TLK1: variants seen among roughly 807,000 people sequenced by gnomAD.
The protein encoded by TLK1 is serine/threonine-protein kinase tousled-like 1.
TLK1 carries 24 observed loss-of-function variants against 105.3 expected under a neutral mutation model. The observed-to-expected ratio is 0.23, with a 90% CI of 0.17 to 0.32. TLK1 has a LOEUF of 0.32. Ranked by LOEUF, TLK1 falls within the 10% of genes least tolerant of loss-of-function variation. The probability of loss-of-function intolerance (pLI) is 1.00; values close to 1 mark genes in which losing one functional copy is unlikely to be tolerated. For synonymous variants in TLK1, 321 were observed against 310.4 expected, an observed-to-expected ratio of 1.03 and a Z score of -0.36; for missense variants, 558 against 910.5, an observed-to-expected ratio of 0.61 and a Z score of 4.98.
At chr2:171,123,911 A>G (rs916676410) in intron 1 of TLK1, among the ~76,000 whole-genome samples, 1 of 139,972 alleles carries the variant, frequency 7.1e-6, no homozygotes, top group African/African-American at 2.7e-5. Flanking sequence ...CCAAATATTG[A>G]TATTAACCCA....
intron 2 of TLK1, among the ~76,000 whole-genome samples, chr2:171,116,052 C>G (rs1326081673): frequency 1.3e-5 from 2 of 152,020 alleles, no homozygotes; most frequent in Non-Finnish European, 2.9e-5. Flanking sequence ...CTATTTGACC[C>G]AAATGGTTAA....
intron 11 of TLK1, among the ~76,000 whole-genome samples, chr2:171,036,290 C>T (rs984061090): frequency 1.6e-4 from 24 of 152,072 alleles, no homozygotes; most frequent in African/African-American, 5.8e-4. Flanking sequence ...ATTAAAAATA[C>T]AAAAATTAGC....
At chr2:171,149,695 C>T (rs1691952437) in intron 1 of TLK1, among the ~76,000 whole-genome samples, 1 of 152,124 alleles carries the variant, frequency 6.6e-6, no homozygotes, top group Admixed American at 6.5e-5. Flanking sequence ...TGGTTGAGCC[C>T]AGGGGTTCAA....
intron 14 of TLK1, among the ~76,000 whole-genome samples, chr2:171,008,671 ATCTGCT>A (rs1269841125): frequency 6.6e-6 from 1 of 152,132 alleles, no homozygotes; most frequent in Admixed American, 6.6e-5. Flanking sequence ...TTGACTTACA[ATCTGCT>A]TTTTGTCTAG....
At chr2:171,023,215 T>G (rs931274323) in intron 12 of TLK1, 1 of 469,404 alleles carries the variant, frequency 2.1e-6, no homozygotes, top group African/African-American at 2.0e-5. Context: ...TCAGGTGGCA[T>G]GTTGGATGTG....
intron 1 of TLK1, among the ~76,000 whole-genome samples, chr2:171,214,262 T>C (rs978891447): frequency 6.6e-6 from 1 of 152,138 alleles, no homozygotes; most frequent in Non-Finnish European, 1.5e-5. Flanking sequence ...GTGTCTTCTC[T>C]GCCTCTTAGT....
At chr2:171,163,450 A>C (rs777326485), upstream of TLK1, among the ~76,000 whole-genome samples, 1 of 152,206 alleles carries the variant, frequency 6.6e-6, no homozygotes, top group East Asian at 1.9e-4. Context: ...TTTTAAGAGT[A>C]AGCTTAGTCA....
intron 3 of TLK1, 31 bp from the exon 4 acceptor site, chr2:171,061,187 TGACA>T (rs1687731794): frequency 1.1e-5 from 18 of 1,607,992 alleles, no homozygotes; most frequent in Non-Finnish European, 1.5e-5. Flanking sequence ...GATTTTTAAA[TGACA>T]GTTTTAATAT....
At chr2:171,049,542 A>C (rs2105428533) in intron 10 of TLK1, among the ~76,000 whole-genome samples, 1 of 152,348 alleles carries the variant, frequency 6.6e-6, no homozygotes, top group East Asian at 1.9e-4. Flanking sequence ...TTCCCTCTCA[A>C]AACATCATCT....
At position 171,075,915 on chromosome 2, in the gene TLK1, GAAT is replaced by G. The variant is rs1688481177; in HGVS notation, c.330+6863_330+6865del. Among the ~76,000 whole-genome samples, 5 of 152,136 alleles carry G rather than the reference GAAT, an allele frequency of 3.3e-5. No homozygotes were observed. The South Asian group carries it at 1.0e-3, about 31-fold the overall frequency. On this transcript the variant is annotated intron_variant, in intron 3 of 20. Coordinates refer to ENST00000431350, the MANE Select transcript of TLK1 (RefSeq NM_012290.5). ...CGTAGAAACTTACTCCCCGTAGTAA[GAAT>G]ATTAAGAGGTGGGAGGGAGGCAGGT...
Position 171,053,946 on chromosome 2 carries a change from G to C in TLK1, c.640-93C>G, listed in dbSNP as rs114178307. On this transcript the variant is annotated intron_variant, in intron 7 of 20. Transcript: ENST00000431350. ...TTTTACTCCAAATTCAAAAGGTAAA[G>C]AAAAATATATTTGTGTGTATATGTA... 303 of 949,268 alleles carry C rather than the reference G, an allele frequency of 3.2e-4. 1 individual carries two copies. In the African/African-American group the frequency reaches 4.8e-3, roughly 15 times the overall value. 58.8% of individuals were successfully genotyped at this position (949,268 alleles called of 1,614,324 possible).
At chr2:171,218,152 G>A (rs1171261488) in intron 1 of TLK1, among the ~76,000 whole-genome samples, 1 of 152,320 alleles carries the variant, frequency 6.6e-6, no homozygotes, top group South Asian at 2.1e-4. Flanking sequence ...TACTCGGGAG[G>A]TTGAGGCAGG....
intron 11 of TLK1, among the ~76,000 whole-genome samples, chr2:171,044,071 A>G (rs1349683766): frequency 1.3e-5 from 2 of 152,218 alleles, no homozygotes; most frequent in African/African-American, 2.4e-5. Flanking sequence ...ACATTTTGAG[A>G]TGGACTTTGA....
intron 1 of TLK1, among the ~76,000 whole-genome samples, chr2:171,227,046 C>G (rs1693910050): frequency 6.6e-6 from 1 of 152,124 alleles, no homozygotes; most frequent in African/African-American, 2.4e-5. Flanking sequence ...TTTAACTTTT[C>G]TCCTACAGCT....
intron 8 of TLK1, among the ~76,000 whole-genome samples, chr2:171,053,458 G>A (rs370188488): frequency 6.6e-6 from 1 of 151,952 alleles, no homozygotes; most frequent in African/African-American, 2.4e-5. Flanking sequence ...CACCTCCCGG[G>A]TTCAAGCATT....
intron 7 of TLK1, chr2:171,054,603 G>A (rs879343446): frequency 1.3e-5 from 2 of 152,462 alleles, no homozygotes; most frequent in African/African-American, 2.4e-5. Flanking sequence ...CCAAACCCCA[G>A]TCTGAGAAAG....
At chr2:171,038,828 A>C (rs1686507651) in intron 11 of TLK1, among the ~76,000 whole-genome samples, 1 of 152,192 alleles carries the variant, frequency 6.6e-6, no homozygotes, top group Admixed American at 6.5e-5. Context: ...ATATATGTCC[A>C]TTGGTTCAAG....
chr2:171,207,077 T>C (rs1693520429), intron 1 of TLK1, among the ~76,000 whole-genome samples: 1 of 152,192 alleles, frequency 6.6e-6, no homozygotes, highest in Non-Finnish European at 1.5e-5. Context: ...GAAATCTATG[T>C]CTACAAAAAA....
intron 18 of TLK1, among the ~76,000 whole-genome samples, chr2:171,004,822 G>A (rs1336767386): frequency 6.6e-6 from 1 of 152,126 alleles, no homozygotes; most frequent in East Asian, 1.9e-4. Flanking sequence ...CAAAGACTTT[G>A]AGAATATTGA....
Sources: allele counts gnomAD v4.1 joint callset (sites outside exome capture counted in the v4.1 genomes callset), GRCh38; gene constraint gnomAD v4.1.1; transcripts MANE v1.5; gene names NCBI Gene and HGNC (gene_info 2026-07-23, HGNC 2026-07-21).